Variants in PLEKHB2 observed in about 807,000 individuals in gnomAD.
The protein encoded by PLEKHB2 is pleckstrin homology domain-containing family B member 2.
In PLEKHB2, 31 loss-of-function variants were observed where a neutral mutation model predicts 36.5. The observed-to-expected ratio is 0.85, with a 90% CI of 0.64 to 1.15. The LOEUF (loss-of-function observed/expected upper bound fraction) is 1.15. Ranked by LOEUF, PLEKHB2 falls within the 50% of genes most tolerant of loss-of-function variation. The pLI, the probability that PLEKHB2 is intolerant of heterozygous loss-of-function variation, is 0.00. For synonymous variants in PLEKHB2, 119 were observed against 112.0 expected (o/e 1.06, Z -0.39); for missense variants, 262 against 295.3 (o/e 0.89, Z 0.83).
At chr2:131,117,924 G>T (rs1027544926) in intron 1 of PLEKHB2, among the ~76,000 whole-genome samples, 1 of 152,166 alleles carries the variant, frequency 6.6e-6, no homozygotes, top group Non-Finnish European at 1.5e-5. Flanking sequence ...ATGAAAATAT[G>T]ATGCTGGTAG....
intron 2 of PLEKHB2, among the ~76,000 whole-genome samples, chr2:131,122,087 G>A (rs1177801649): frequency 5.9e-5 from 9 of 152,050 alleles, no homozygotes; most frequent in Admixed American, 5.2e-4. Context: ...TAGTAGAGAC[G>A]GAGTTTCTCC....
intron 1 of PLEKHB2, among the ~76,000 whole-genome samples, chr2:131,116,525 A>G (rs1369651058): frequency 6.6e-6 from 1 of 152,244 alleles, no homozygotes; most frequent in East Asian, 1.9e-4. Flanking sequence ...GGCAGAAGGC[A>G]AAGGGGAAGC....
intron 2 of PLEKHB2, among the ~76,000 whole-genome samples, chr2:131,124,942 C>T (rs903232207): frequency 2.0e-5 from 3 of 152,064 alleles, no homozygotes; most frequent in Admixed American, 1.3e-4. Context: ...CGAGCCACCA[C>T]GCCCAGCTAA....
At chr2:131,135,725 C>T (rs1316289413) in intron 6 of PLEKHB2, among the ~76,000 whole-genome samples, 1 of 151,984 alleles carries the variant, frequency 6.6e-6, no homozygotes, top group Non-Finnish European at 1.5e-5. Flanking sequence ...CTCAGCCTCT[C>T]TAGTAGTTGT....
At position 131,110,179 on chromosome 2, in the gene PLEKHB2, C is replaced by T. The variant is rs577282270; in HGVS notation, c.-9+4781C>T. Among the ~76,000 whole-genome samples, 355 of 152,208 alleles carry T rather than the reference C, an allele frequency of 2.3e-3. 2 individuals carry two copies. The highest frequency in any genetic ancestry group is 6.8e-3 in the Middle Eastern group (2 of 294). On this transcript the variant is annotated intron_variant, in intron 1 of 7. Coordinates refer to ENST00000693505, the MANE Select transcript of PLEKHB2 (RefSeq NM_001100623.2). ...AAATTGCTATTGATTTACATGTAAT[C>T]TTTTGACTTTTGATCATAGAAGACT...
chr2:131,117,797 C>T (rs1042022203), intron 1 of PLEKHB2, among the ~76,000 whole-genome samples: 9 of 152,000 alleles, frequency 5.9e-5, no homozygotes, highest in African/African-American at 2.2e-4. Context: ...CTTTTTGTTT[C>T]GCCTGTTTCT....
chr2:131,130,584 T>C, intron 4 of PLEKHB2, 137 bp from the exon 5 acceptor site: 1 of 699,610 alleles, frequency 1.4e-6, no homozygotes, highest in South Asian at 1.6e-5. Context: ...CTAGTGCATG[T>C]CTCAAGTGGT....
intron 1 of PLEKHB2, chr2:131,119,104 A>T (rs2104823549): frequency 6.6e-6 from 1 of 151,656 alleles, no homozygotes; most frequent in South Asian, 2.1e-4. Flanking sequence ...AAAATACAAA[A>T]ATCAGCCGGG....
At position 131,146,820 on chromosome 2, in the gene PLEKHB2, A is replaced by G. The variant is rs1008828647; in HGVS notation, c.*47A>G. 1 of 1,492,014 alleles carries G rather than the reference A, an allele frequency of 6.7e-7. No homozygotes were observed. The highest frequency in any genetic ancestry group is 9.0e-7 in the Non-Finnish European group (1 of 1,107,792). The allele number at this position is 1,492,014 out of a possible 1,614,324, so 92.4% of individuals were successfully genotyped here. On this transcript the variant is annotated 3_prime_UTR_variant, in exon 8 of 8. Transcript: ENST00000693505. ...CATAGCTTCTGATAACCCTGTGTGC[A>G]ATAATATGATTTGCAGGGCATTTCT...
intron 1 of PLEKHB2, 58 bp from the exon 2 acceptor site, chr2:131,120,876 C>T (rs760850885): frequency 5.9e-6 from 9 of 1,536,354 alleles, no homozygotes; most frequent in East Asian, 4.5e-5. Flanking sequence ...AGACTCGGGC[C>T]GGACAGGCTA....
chr2:131,110,981 G>A (rs991218737), intron 1 of PLEKHB2, among the ~76,000 whole-genome samples: 4 of 151,878 alleles, frequency 2.6e-5, no homozygotes, highest in African/African-American at 9.7e-5. Context: ...TTTCTCTGTG[G>A]TTTATTTATG....
In PLEKHB2 at chr2:131,146,693, A is replaced by G. The variant is rs769477657; in HGVS notation, c.589A>G (p.Asn197Asp). 7 of 1,613,852 alleles carry G rather than the reference A, an allele frequency of 4.3e-6. No homozygotes were observed. The highest frequency in any genetic ancestry group is 2.2e-5 in the East Asian group (1 of 44,876). The change falls in exon 8 of 8, where the codon AAC (asparagine) becomes GAC (aspartate). Residue 197 changes from asparagine to aspartate, a missense_variant. Physicochemically the swap from Asn to Asp is conservative, Grantham distance 23. Coordinates refer to ENST00000693505, the MANE Select transcript of PLEKHB2 (RefSeq NM_001100623.2). ...QVIIRERYRD[N>D]DSDLALGMLA... is the part of the protein sequence containing the mutation. ...CATCATTCGAGAGCGCTATCGAGAC[A>G]ACGACAGCGACCTGGCACTGGGCAT...
chr2:131,135,887 C>T (rs972426725), intron 6 of PLEKHB2, among the ~76,000 whole-genome samples: 8 of 152,064 alleles, frequency 5.3e-5, no homozygotes, highest in African/African-American at 1.7e-4. Flanking sequence ...GGAATACAGG[C>T]GTGAGCCACC....
chr2:131,136,948 C>CTTTTTTTTTT (rs749691633), intron 6 of PLEKHB2, among the ~76,000 whole-genome samples: 1 of 134,166 alleles, frequency 7.5e-6, no homozygotes, highest in Non-Finnish European at 1.6e-5. Flanking sequence ...TCTTTTCTTT[C>CTTTTTTTTTT]TTTTTTTTTT....
At chr2:131,137,728 C>G (rs1196800529) in intron 6 of PLEKHB2, among the ~76,000 whole-genome samples, 1 of 151,984 alleles carries the variant, frequency 6.6e-6, no homozygotes, top group Non-Finnish European at 1.5e-5. Context: ...TTCACTTTTT[C>G]TGTCTCTCAA....
chr2:131,125,794 T>C lies in PLEKHB2; in HGVS notation c.79T>C (p.Trp27Arg). Residue 27 changes from tryptophan (W) to arginine (R), a missense_variant, in exon 3 of 8, where the codon TGG becomes CGG. By Grantham distance (101) the Trp-to-Arg change is moderately radical. Coordinates refer to ENST00000693505, the MANE Select transcript of PLEKHB2 (RefSeq NM_001100623.2). ...CTGGAAGAAGAACTGGTTTGATCTG[T>C]GGTCGGATGGTCACCTGATCTATTA... The part of the protein sequence containing the change: ...KRWKKNWFDL[W>R]SDGHLIYYDD... 1 of 1,613,648 alleles carries C rather than the reference T, an allele frequency of 6.2e-7. No individual in the cohort carries two copies. Among genetic ancestry groups the C allele is most frequent in the Non-Finnish European group, 8.5e-7 (1 of 1,179,744 alleles).
chr2:131,140,190 C>G lies in PLEKHB2; in HGVS notation c.447C>G (p.Tyr149Ter), dbSNP rs146925317. ...AGCAGGCTTATGGCTATGGGCCATA[C>G]GGTGGTGCGTACCCGCCAGGAACTC... ...APEQAYGYGPYGGAYPPGTQV... is the reference protein window; with the variant it reads ...APEQAYGYGP Residue 149 changes from tyrosine to a stop codon, truncating the protein, a stop_gained, in exon 7 of 8, where the codon TAC (tyrosine) becomes TAG (stop). Transcript: ENST00000693505. LOFTEE classifies it high-confidence loss of function. The G allele has an allele frequency of 7.6e-4, 1,232 of 1,611,994 alleles. 1 individual carries two copies. The highest frequency in any genetic ancestry group is 9.4e-4 in the Non-Finnish European group (1,108 of 1,178,170).
chr2:131,116,069 A>G (rs1260788046), intron 1 of PLEKHB2, among the ~76,000 whole-genome samples: 1 of 152,242 alleles, frequency 6.6e-6, no homozygotes, highest in East Asian at 1.9e-4. Flanking sequence ...TCTTTTAAAA[A>G]GTGAAGAGTT....
At chr2:131,144,682 CT>C (rs1699108993) in intron 7 of PLEKHB2, among the ~76,000 whole-genome samples, 1 of 152,110 alleles carries the variant, frequency 6.6e-6, no homozygotes, top group South Asian at 2.1e-4. Context: ...TAAGTGTGAC[CT>C]GGAAGCATCC....
Sources: gnomAD v4.1 joint callset for allele counts (sites outside exome capture counted in the v4.1 genomes callset) on GRCh38, gnomAD v4.1.1 for gene constraint, MANE v1.5 for transcripts, NCBI Gene and HGNC (gene_info 2026-07-23, HGNC 2026-07-21) for gene names.